VIP: variants seen among roughly 807,000 people sequenced by gnomAD.
VIP encodes vasoactive intestinal peptide, also known as VIP peptides.
In VIP, 18 loss-of-function variants were observed where a neutral mutation model predicts 20.1. The ratio of observed to expected loss-of-function variants is 0.90; its 90% CI spans 0.62 to 1.33. VIP has a LOEUF of 1.33. Among genes scored for constraint, VIP ranks in the 40% most tolerant of loss-of-function variants. VIP has a pLI of 0.00. For synonymous variants in VIP, 70 were observed against 68.1 expected (o/e 1.03, Z -0.14); for missense variants, 209 against 199.4 (o/e 1.05, Z -0.29).
intron 3 of VIP, among the ~76,000 whole-genome samples, chr6:152,754,818 T>C (rs149616480): frequency 6.6e-6 from 1 of 151,858 alleles, no homozygotes; most frequent in East Asian, 1.9e-4. Flanking sequence ...TTCCAAATAT[T>C]TTGGAAAAAG....
At chr6:152,758,421 C>T (rs1057205441) in intron 6 of VIP, among the ~76,000 whole-genome samples, 1 of 151,946 alleles carries the variant, frequency 6.6e-6, no homozygotes, top group African/African-American at 2.4e-5. Context: ...AGAAACAAGT[C>T]CCTTTGCTCA....
intron 4 of VIP, 32 bp from the exon 5 acceptor site, chr6:152,756,102 C>A: frequency 1.3e-6 from 2 of 1,485,928 alleles, no homozygotes; most frequent in Non-Finnish European, 1.8e-6. Context: ...CTTGTGAAAA[C>A]TCTTTGATTT....
intron 3 of VIP, among the ~76,000 whole-genome samples, 164 bp downstream of exon 3, chr6:152,754,452 T>C (rs1449250588): frequency 6.6e-6 from 1 of 152,038 alleles, no homozygotes; most frequent in African/African-American, 2.4e-5. Flanking sequence ...CTGCAGATCT[T>C]ACAGCTGTAC....
At chr6:152,753,709 T>A (rs1269475935) in intron 2 of VIP, among the ~76,000 whole-genome samples, 1 of 152,102 alleles carries the variant, frequency 6.6e-6, no homozygotes, top group Non-Finnish European at 1.5e-5. Context: ...ACTCTGTTCT[T>A]CAGAGATGTT....
chr6:152,754,125 G>GA, intron 2 of VIP, 41 bp from the exon 3 acceptor site: 4 of 1,589,830 alleles, frequency 2.5e-6, no homozygotes, highest in Non-Finnish European at 2.6e-6. Context: ...ACTGTCTTCT[G>GA]AAAAAAGAAT....
rs374348552 is a variant in VIP, at chr6:152,757,142, T to A, written c.*1T>A. 1.2e-6 allele frequency: 2 copies of A among 1,611,598 alleles called. No individual in the cohort carries two copies. Among genetic ancestry groups the A allele is most frequent in the Non-Finnish European group, 1.7e-6 (2 of 1,178,562 alleles). On this transcript the variant is annotated 3_prime_UTR_variant, in exon 6 of 7. Transcript: ENST00000367244. ...CTTTCCAGAAGAGTTAGAAAAATGA[T>A]GAAAAAGACCTTTGGAGCAAAGCTG...
chr6:152,751,737 A>G (rs1400288118), intron 1 of VIP, among the ~76,000 whole-genome samples: 1 of 152,188 alleles, frequency 6.6e-6, no homozygotes, highest in Non-Finnish European at 1.5e-5. Context: ...GAGCAGAATA[A>G]TTATTAAATA....
intron 5 of VIP, 145 bp downstream of exon 5, chr6:152,756,410 C>A: frequency 1.1e-6 from 1 of 940,238 alleles, no homozygotes; most frequent in Non-Finnish European, 1.5e-6. Context: ...TAGACTACCC[C>A]GCAGAACTTT....
At chr6:152,754,485 G>T (rs189202311) in intron 3 of VIP, among the ~76,000 whole-genome samples, 197 bp downstream of exon 3, 36 of 152,088 alleles carry the variant, frequency 2.4e-4, no homozygotes, top group African/African-American at 7.2e-4. Flanking sequence ...CTGAAAGGTT[G>T]TAACAAGCCA....
At chr6:152,754,412 A>G in intron 3 of VIP, 124 bp downstream of exon 3, 1 of 890,762 alleles carries the variant, frequency 1.1e-6, no homozygotes, top group Non-Finnish European at 1.7e-6. Flanking sequence ...AGAGGTTTCT[A>G]TGTGTCATGG....
At chr6:152,754,380 G>A in intron 3 of VIP, 92 bp downstream of exon 3, 1 of 1,262,348 alleles carries the variant, frequency 7.9e-7, no homozygotes, top group Non-Finnish European at 1.1e-6. Context: ...TCACCATGAA[G>A]CTATTCCGAT....
intron 2 of VIP, 83 bp from the exon 3 acceptor site, chr6:152,754,083 A>T: frequency 6.9e-7 from 1 of 1,445,546 alleles, no homozygotes; most frequent in African/African-American, 1.4e-5. Flanking sequence ...GAGTCTAAGT[A>T]TCTTATTTTA....
intron 5 of VIP, among the ~76,000 whole-genome samples, chr6:152,756,615 A>T (rs1229905243): frequency 6.6e-6 from 1 of 152,034 alleles, no homozygotes; most frequent in South Asian, 2.1e-4. Flanking sequence ...GATGATTTTT[A>T]AAACATGTAA....
At position 152,755,352 on chromosome 6, in the gene VIP, C is replaced by T. The variant is rs1442813795; in HGVS notation, c.314C>T (p.Ser105Phe). The T allele has an allele frequency of 6.3e-7, 1 of 1,582,196 alleles. No homozygotes were observed. The highest frequency in any genetic ancestry group is 8.6e-7 in the Non-Finnish European group (1 of 1,164,182). ...CTTTCTGCCAAAAAGTACCTTGAGT[C>T]TCTTATGGGAAAACGTGTTAGGTAA... ...GQLSAKKYLE[S>F]LMGKRVSSNI... The change falls in exon 4 of 7, where the codon TCT (serine) becomes TTT (phenylalanine). Residue 105 changes from serine to phenylalanine, a missense_variant. By Grantham distance (155) the Ser-to-Phe change is radical. Transcript: ENST00000367244.
intron 3 of VIP, 26 bp from the exon 4 acceptor site, chr6:152,755,243 A>G: frequency 6.9e-7 from 1 of 1,444,730 alleles, no homozygotes; most frequent in Non-Finnish European, 9.4e-7. Flanking sequence ...ACAAAATAAT[A>G]GCTATTTTTT....
chr6:152,753,397 A>G (rs369225098), intron 2 of VIP, among the ~76,000 whole-genome samples: 18 of 152,276 alleles, frequency 1.2e-4, no homozygotes, highest in African/African-American at 3.4e-4. Context: ...ACACAAAATT[A>G]TAAGAGTTGC....
intron 6 of VIP, among the ~76,000 whole-genome samples, chr6:152,757,513 TG>T (rs1278465514): frequency 6.6e-6 from 1 of 151,876 alleles, no homozygotes; most frequent in Non-Finnish European, 1.5e-5. Context: ...ACAAGAAAAA[TG>T]GGCTTTCCTT....
chr6:152,756,342 C>G, intron 5 of VIP, 77 bp downstream of exon 5: 1 of 1,486,476 alleles, frequency 6.7e-7, no homozygotes, highest in East Asian at 2.3e-5. Flanking sequence ...GGAGACCTCT[C>G]TATCTCACTT....
rs560384636 is a variant in VIP, at chr6:152,754,179, A to C, written c.121A>C (p.Ile41Leu). ...TTTCCCCATCAGGTTGGGTGACAGA[A>C]TACCCTTTGAGGGAGCAAATGAACC... ...APSALRLGDR[I>L]PFEGANEPDQ... The change falls in exon 3 of 7, where the codon ATA becomes CTA. Residue 41 changes from isoleucine to leucine, a missense_variant. By Grantham distance (5) the Ile-to-Leu change is conservative (BLOSUM62 2). Coordinates refer to ENST00000367244, the MANE Select transcript of VIP (RefSeq NM_003381.4). The C allele has an allele frequency of 9.9e-6, 16 of 1,610,132 alleles. No homozygotes were observed. In the South Asian group the frequency reaches 1.0e-4, roughly 10 times the overall value.
Sources: gnomAD v4.1 joint callset for allele counts (sites outside exome capture counted in the v4.1 genomes callset) on GRCh38, gnomAD v4.1.1 for gene constraint, MANE v1.5 for transcripts, NCBI Gene and HGNC (gene_info 2026-07-23, HGNC 2026-07-21) for gene names.